Variants in DOCK8 observed in about 807,000 individuals in gnomAD.
DOCK8 encodes the protein dedicator of cytokinesis protein 8.
A neutral mutation model predicts 245.6 loss-of-function variants in DOCK8; 141 were observed. The observed-to-expected ratio is 0.57, with a 90% CI of 0.50 to 0.66. The LOEUF is 0.66. DOCK8 is among the 30% of genes least tolerant of loss of function. DOCK8 has a pLI of 0.00. For missense variants in DOCK8, 2,965 were observed against 2,603.4 expected (o/e 1.14, Z -3.02); for synonymous variants, 1,168 against 970.2 (o/e 1.20, Z -3.79).
chr9:419,025 G>C (rs750883388), intron 30 of DOCK8, among the ~76,000 whole-genome samples: 7 of 152,196 alleles, frequency 4.6e-5, no homozygotes, highest in African/African-American at 9.6e-5. Flanking sequence ...GGCTCAAAGA[G>C]GGGCTCCTCT....
chr9:458,529 G>A (rs2057710835), intron 46 of DOCK8: 1 of 152,348 alleles, frequency 6.6e-6, no homozygotes, highest in Non-Finnish European at 1.5e-5. Flanking sequence ...GGGGGGCCAA[G>A]GCTGGGTACA....
Position 340,264 on chromosome 9 carries a change from A to C in DOCK8, c.1622A>C (p.His541Pro). The change falls in exon 14 of 48, where the codon CAC becomes CCC. Residue 541 changes from histidine (H) to proline (P), a missense_variant. Transcript: ENST00000432829. ...TTTCCTGAAAACCGGACACGCCCGC[A>C]CAAAGAGATTTTGGAATTTCCAACA... is the stretch of plus-strand genomic sequence containing the variant. ...KPFPENRTRP[H>P]KEILEFPTRE... is the part of the protein sequence containing the mutation. 1 of 1,614,152 alleles carries C rather than the reference A, an allele frequency of 6.2e-7. No homozygotes were observed. The highest frequency in any genetic ancestry group is 8.5e-7 in the Non-Finnish European group (1 of 1,180,016).
chr9:276,734 A>C (rs1432710466), intron 2 of DOCK8, among the ~76,000 whole-genome samples: 1 of 152,210 alleles, frequency 6.6e-6, no homozygotes, highest in Non-Finnish European at 1.5e-5. Context: ...GGTGCCAGCC[A>C]CCTATTCAGG....
rs1216021366 is a variant in DOCK8 at position 428,385 on chromosome 9, A to G, written c.4362A>G (p.Lys1454=). ...AGGCGAGCTCGGCTCTGGACTGTAA[A>G]GACAGCCTGCTGGGAGGTGTTCTGA... ...IIQASSALDC[K]DSLLGGVLRV... Residue 1454 remains lysine, a synonymous_variant, in exon 35 of 48, where the codon AAA becomes AAG. Transcript: ENST00000432829. The G allele has an allele frequency of 6.2e-7, 1 of 1,614,164 alleles. No individual in the cohort carries two copies. The highest frequency in any genetic ancestry group is 8.5e-7 in the Non-Finnish European group (1 of 1,180,026).
At chr9:277,532 C>T (rs961899290) in intron 2 of DOCK8, among the ~76,000 whole-genome samples, 1 of 141,372 alleles carries the variant, frequency 7.1e-6, no homozygotes, top group South Asian at 2.2e-4. Flanking sequence ...AGTTAGGAGA[C>T]CCTGTCTCAG....
At position 464,511 on chromosome 9, in the gene DOCK8, T is replaced by C; in HGVS notation, c.*292T>C. ...TACCAAACAAGGCATAAGCAGCTTCTCCTGCTGACTGGCCAATCACTGCCC... is the reference window on the plus strand; with the variant it reads ...TACCAAACAAGGCATAAGCAGCTTCCCCTGCTGACTGGCCAATCACTGCCC... On this transcript the variant is annotated 3_prime_UTR_variant, in exon 48 of 48. Coordinates refer to ENST00000432829, the MANE Select transcript of DOCK8 (RefSeq NM_203447.4). The C allele has an allele frequency of 2.0e-6, 1 of 487,918 alleles. No homozygotes were observed. Among genetic ancestry groups the C allele is most frequent in the African/African-American group, 1.9e-5 (1 of 51,652 alleles). 30.2% of individuals were successfully genotyped at this position (487,918 alleles called of 1,614,324 possible).
intron 29 of DOCK8, among the ~76,000 whole-genome samples, 186 bp downstream of exon 29, chr9:415,137 C>T (rs934020599): frequency 4.6e-5 from 7 of 152,122 alleles, no homozygotes. Context: ...AGTCACATAG[C>T]CCCATATGTG....
intron 2 of DOCK8, among the ~76,000 whole-genome samples, chr9:278,389 T>G (rs1221344911): frequency 6.6e-6 from 1 of 152,238 alleles, no homozygotes; most frequent in Non-Finnish European, 1.5e-5. Context: ...TACTCATTCG[T>G]TTTAGAAATA....
At chr9:408,274 A>G (rs1302639183) in intron 28 of DOCK8, among the ~76,000 whole-genome samples, 2 of 152,200 alleles carry the variant, frequency 1.3e-5, no homozygotes, top group South Asian at 4.1e-4. Context: ...TGCAACAGTC[A>G]CATGTGTCCC....
At position 443,507 on chromosome 9, in the gene DOCK8, T is replaced by C. The variant is rs776654872; in HGVS notation, c.5571T>C (p.Asp1857=). ...CTCCTGTGGACAAAACCAAGTTGGA[T>C]CCTAACAAGGTATACAAAAATTTAC... ...DSTPVDKTKL[D]PNKAYIQITF... Residue 1857 remains aspartate (D), a synonymous_variant, in exon 43 of 48, where the codon GAT becomes GAC. Transcript: ENST00000432829. 6.2e-7 allele frequency: 1 copy of C among 1,613,950 alleles called. No homozygotes were observed. The highest frequency in any genetic ancestry group is 1.1e-5 in the South Asian group (1 of 91,076).
intron 33 of DOCK8, among the ~76,000 whole-genome samples, chr9:426,020 A>G (rs768041604): frequency 1.2e-4 from 18 of 152,072 alleles, no homozygotes; most frequent in Non-Finnish European, 2.2e-4. Flanking sequence ...ATATAATGAT[A>G]CCCCAACCCC....
At chr9:309,121 T>C (rs1047840216) in intron 5 of DOCK8, among the ~76,000 whole-genome samples, 8 of 152,242 alleles carry the variant, frequency 5.3e-5, no homozygotes, top group Admixed American at 4.6e-4. Context: ...TTGCCAGTTA[T>C]ACCCTACGGA....
chr9:213,834 T>C (rs933526872), upstream of DOCK8: 2 of 152,178 alleles, frequency 1.3e-5, no homozygotes, highest in Non-Finnish European at 2.9e-5. Context: ...GTTCAAGTGA[T>C]TCCCCTGCCT....
chr9:347,371 G>A (rs930772502), intron 14 of DOCK8, among the ~76,000 whole-genome samples: 1 of 151,920 alleles, frequency 6.6e-6, no homozygotes, highest in Non-Finnish European at 1.5e-5. Flanking sequence ...CCAGGGGTGG[G>A]GGTCCACACC....
rs2055046675 is a variant in DOCK8 at position 400,989 on chromosome 9, C to CACCAT, written c.3234+1730_3234+1731insACCAT. 2.0e-5 allele frequency among the ~76,000 whole-genome samples: 2 copies of CACCAT among 102,458 alleles called. 1 individual carries two copies. Among genetic ancestry groups the CACCAT allele is most frequent in the Non-Finnish European group, 4.7e-5 (2 of 42,200 alleles). The allele number at this position is 102,458 out of a possible 152,430, so 67.2% of individuals were successfully genotyped here. On this transcript the variant is annotated intron_variant, in intron 26 of 47. Coordinates refer to ENST00000432829, the MANE Select transcript of DOCK8 (RefSeq NM_203447.4). The stretch of plus-strand genomic sequence containing the variant: ...ACCTCCTCCACCATCACCACCTCCT[C>CACCAT]CACCACCACCACCATTAGCTCCACC...
chr9:351,761 G>A (rs2052180721), intron 14 of DOCK8, among the ~76,000 whole-genome samples: 1 of 152,220 alleles, frequency 6.6e-6, no homozygotes, highest in Non-Finnish European at 1.5e-5. Flanking sequence ...ACAGGATGGT[G>A]ATGATGCTTT....
At chr9:342,222 T>C (rs2051634491) in intron 14 of DOCK8, among the ~76,000 whole-genome samples, 2 of 151,908 alleles carry the variant, frequency 1.3e-5, no homozygotes, top group Admixed American at 6.6e-5. Context: ...GCCAAAAAGG[T>C]TGAGGATTGC....
intron 46 of DOCK8, among the ~76,000 whole-genome samples, chr9:459,224 C>T (rs1026497625): frequency 1.3e-5 from 2 of 152,134 alleles, no homozygotes; most frequent in Non-Finnish European, 2.9e-5. Context: ...ATTTTCCAAG[C>T]GATGTGGCTA....
At chr9:426,470 ACT>A (rs1054401839) in intron 33 of DOCK8, among the ~76,000 whole-genome samples, 1 of 151,714 alleles carries the variant, frequency 6.6e-6, no homozygotes, top group African/African-American at 2.4e-5. Context: ...ATCCAGTCTC[ACT>A]CTCTCTCGCA....
Sources: gnomAD v4.1 joint callset for allele counts (sites outside exome capture counted in the v4.1 genomes callset) on GRCh38, gnomAD v4.1.1 for gene constraint, MANE v1.5 for transcripts, NCBI Gene and HGNC (gene_info 2026-07-23, HGNC 2026-07-21) for gene names.